Variants in TYRP1 observed in about 807,000 individuals in gnomAD.
The protein encoded by TYRP1 is tyrosinase related protein 1.
Under a neutral mutation model 42.8 loss-of-function variants are expected in TYRP1, and 49 were observed. The ratio of observed to expected loss-of-function variants is 1.14; its 90% confidence interval spans 0.91 to 1.45. The LOEUF (loss-of-function observed/expected upper bound fraction) is 1.45, where lower values mean the gene tolerates loss of function less well. TYRP1 is among the 40% of genes most tolerant of loss of function. The probability of loss-of-function intolerance (pLI) is 0.00; values close to 1 mark genes in which losing one functional copy is unlikely to be tolerated. For missense variants in TYRP1, 848 were observed against 662.0 expected, an observed-to-expected ratio of 1.28 and a Z score of -3.08; for synonymous variants, 279 against 235.4, an observed-to-expected ratio of 1.19 and a Z score of -1.69.
intron 6 of TYRP1, among the ~76,000 whole-genome samples, chr9:12,706,674 C>T (rs972622028): frequency 8.6e-5 from 13 of 151,996 alleles, no homozygotes; most frequent in African/African-American, 3.1e-4. Flanking sequence ...TAAGCTGAAA[C>T]AATTAGCCTC....
Position 12,709,116 on chromosome 9 carries a change from T to G in TYRP1, c.1548T>G (p.Thr516=). Residue 516 remains threonine, a synonymous_variant, in exon 8 of 8, where the codon ACT becomes ACG. Coordinates refer to ENST00000388918, the MANE Select transcript of TYRP1 (RefSeq NM_000550.3). ...ATGAAGCTAACCAGCCTCTCCTCAC[T>G]GATCAGTATCAATGCTATGCTGAAG... ...SMDEANQPLL[T]DQYQCYAEEY... 1 of 1,612,758 alleles carries G rather than the reference T, an allele frequency of 6.2e-7. No individual in the cohort carries two copies. The highest frequency in any genetic ancestry group is 2.2e-5 in the East Asian group (1 of 44,826).
Position 12,703,850 on chromosome 9 carries a change from G to C in TYRP1, c.1082-676G>C, listed in dbSNP as rs10809827. On this transcript the variant is annotated intron_variant, in intron 5 of 7. Transcript: ENST00000388918. ...TATGACCTGTCTTATACCAATCCTT[G>C]TTTTCTCCCTTATATATGGAATATA... Among the ~76,000 whole-genome samples, 3,172 of 147,006 alleles carry C rather than the reference G, an allele frequency of 0.022. 277 individuals carry two copies. The East Asian group carries it at 0.23, about 11-fold the overall frequency.
At chr9:12,693,876 A>T in intron 1 of TYRP1, 36 bp from the exon 2 acceptor site, 1 of 1,420,908 alleles carries the variant, frequency 7.0e-7, no homozygotes, top group East Asian at 2.3e-5. Flanking sequence ...TACCAAGAAA[A>T]ACTTGCATAA....
Position 12,709,084 on chromosome 9 carries a change from A to G in TYRP1, c.1516A>G (p.Ser506Gly), listed in dbSNP as rs140233627. ...TASYLIRARR[S>G]MDEANQPLLT... The stretch of plus-strand genomic sequence containing the variant: ...TTCTTATCTGATTCGTGCCAGACGC[A>G]GTATGGATGAAGCTAACCAGCCTCT... Residue 506 changes from serine to glycine, a missense_variant, in exon 8 of 8, where the codon AGT becomes GGT. Ser to Gly is a moderately conservative substitution (Grantham distance 56). Transcript: ENST00000388918. The G allele has an allele frequency of 6.2e-7, 1 of 1,612,740 alleles. No individual in the cohort carries two copies. The highest frequency in any genetic ancestry group is 8.5e-7 in the Non-Finnish European group (1 of 1,179,254).
At chr9:12,697,783 A>G (rs546839385) in intron 3 of TYRP1, among the ~76,000 whole-genome samples, 6 of 152,310 alleles carry the variant, frequency 3.9e-5, no homozygotes, top group Non-Finnish European at 5.9e-5. Context: ...CTAAAAAACA[A>G]TGGGCAGAAA....
intron 5 of TYRP1, 106 bp from the exon 6 acceptor site, chr9:12,704,420 C>A: frequency 7.6e-7 from 1 of 1,314,228 alleles, no homozygotes; most frequent in Admixed American, 1.9e-5. Flanking sequence ...AAAAATTGGC[C>A]TGACGAGCCT....
In TYRP1 at chr9:12,702,372, G is replaced by T. The variant is rs1381017820; in HGVS notation, c.1015G>T (p.Val339Phe). 1.2e-6 allele frequency: 2 copies of T among 1,613,162 alleles called. No individual in the cohort carries two copies. The highest frequency in any genetic ancestry group is 1.1e-5 in the South Asian group (1 of 91,060). Reference protein sequence around the residue: ...EPQDVAQCLEVGLFDTPPFYS... With the variant: ...EPQDVAQCLEFGLFDTPPFYS... ...ACAGGATGTCGCTCAGTGCTTGGAAGTTGGTTTATTTGACACGCCTCCTTT... is the reference window on the plus strand; with the variant it reads ...ACAGGATGTCGCTCAGTGCTTGGAATTTGGTTTATTTGACACGCCTCCTTT... The change falls in exon 5 of 8, where the codon GTT (valine) becomes TTT (phenylalanine). Residue 339 changes from valine (V) to phenylalanine (F), a missense_variant. Physicochemically the swap from Val to Phe is conservative, Grantham distance 50. Coordinates refer to ENST00000388918, the MANE Select transcript of TYRP1 (RefSeq NM_000550.3).
rs1818291792 is a variant in TYRP1 at position 12,708,175 on chromosome 9, A to C, written c.1408+32A>C. ...GTTGAAAGTGTATTTTTACTGTGATAATTTCCAAAAGCAAATGTGTTATCT... is the reference window on the plus strand; with the variant it reads ...GTTGAAAGTGTATTTTTACTGTGATCATTTCCAAAAGCAAATGTGTTATCT... On this transcript the variant is annotated intron_variant, in intron 7 of 7. Coordinates refer to ENST00000388918, the MANE Select transcript of TYRP1 (RefSeq NM_000550.3). 2.5e-6 allele frequency: 4 copies of C among 1,611,142 alleles called. No homozygotes were observed. The African/African-American group carries it at 5.3e-5, about 22-fold the overall frequency.
intron 5 of TYRP1, among the ~76,000 whole-genome samples, chr9:12,703,442 G>T (rs1818206134): frequency 6.6e-6 from 1 of 151,542 alleles, no homozygotes; most frequent in Non-Finnish European, 1.5e-5. Flanking sequence ...CTATATTTTG[G>T]CTAATCTGTA....
intron 6 of TYRP1, among the ~76,000 whole-genome samples, chr9:12,707,272 T>A (rs530956341): frequency 6.6e-6 from 1 of 152,132 alleles, no homozygotes; most frequent in East Asian, 1.9e-4. Context: ...ACACGTACAC[T>A]TAAGTCTTTT....
chr9:12,695,688 T>C lies in TYRP1; in HGVS notation c.559T>C (p.Tyr187His), dbSNP rs1007656814. 2.5e-6 allele frequency: 4 copies of C among 1,614,226 alleles called. No individual in the cohort carries two copies. Among genetic ancestry groups the C allele is most frequent in the East Asian group, 2.2e-5 (1 of 44,882 alleles). The change falls in exon 3 of 8, where the codon TAC becomes CAC. Residue 187 changes from tyrosine (Y) to histidine (H), a missense_variant. Tyr to His is a moderately conservative substitution (Grantham distance 83). Transcript: ENST00000388918. ...PQFENISIYNYFVWTHYYSVK... is the reference protein window; with the variant it reads ...PQFENISIYNHFVWTHYYSVK... ...ATTTGAGAACATTTCCATTTATAACTACTTTGTTTGGACACACTATTACTC... is the reference window on the plus strand; with the variant it reads ...ATTTGAGAACATTTCCATTTATAACCACTTTGTTTGGACACACTATTACTC...
Position 12,709,220 on chromosome 9 carries a change from C to G in TYRP1, c.*38C>G. 3.2e-6 allele frequency: 5 copies of G among 1,571,684 alleles called. No homozygotes were observed. In the Middle Eastern group the frequency reaches 5.0e-4, roughly 158 times the overall value. On this transcript the variant is annotated 3_prime_UTR_variant, in exon 8 of 8. Coordinates refer to ENST00000388918, the MANE Select transcript of TYRP1 (RefSeq NM_000550.3). ...TCTCTTATGCATTAGTATCACAAAACCACCTGGTTGAATATAATAGATTGA... is the reference window on the plus strand; with the variant it reads ...TCTCTTATGCATTAGTATCACAAAAGCACCTGGTTGAATATAATAGATTGA...
At chr9:12,695,446 G>T in intron 2 of TYRP1, 69 bp from the exon 3 acceptor site, 1 of 1,416,568 alleles carries the variant, frequency 7.1e-7, no homozygotes, top group Non-Finnish European at 1.0e-6. Context: ...GTTACAAGAT[G>T]ATTATGCTCT....
Position 12,704,536 on chromosome 9 carries a change from C to A in TYRP1, c.1092C>A (p.Asp364Glu). Residue 364 changes from aspartate to glutamate, a missense_variant, in exon 6 of 8, where the codon GAC becomes GAA. By Grantham distance (45) the Asp-to-Glu change is conservative. Transcript: ENST00000388918. Reference sequence around the variant, plus strand: ...TTACCATGTGTCTAGGTTACAGTGACCCCACGGGAAAGTATGACCCTGCTG... The same window carrying A: ...TTACCATGTGTCTAGGTTACAGTGAACCCACGGGAAAGTATGACCCTGCTG... ...SFRNTVEGYSDPTGKYDPAVR... is the reference protein window; with the variant it reads ...SFRNTVEGYSEPTGKYDPAVR... 6.2e-7 allele frequency: 1 copy of A among 1,612,196 alleles called. No homozygotes were observed. The highest frequency in any genetic ancestry group is 2.2e-5 in the East Asian group (1 of 44,828).
rs753192557 is a variant in TYRP1 at position 12,708,049 on chromosome 9, C to A, written c.1314C>A (p.Tyr438Ter). The stretch of plus-strand genomic sequence containing the variant: ...CCCCTATTGGACATAATAGACAATA[C>A]AACATGGTGCCATTCTGGCCCCCAG... ...ENAPIGHNRQYNMVPFWPPVT... is the reference protein window; with the variant it reads ...ENAPIGHNRQ The change falls in exon 7 of 8, where the codon TAC becomes TAA. Residue 438 changes from tyrosine (Y) to a stop codon, truncating the protein, a stop_gained. Transcript: ENST00000388918. LOFTEE classifies it high-confidence loss of function. The A allele has an allele frequency of 6.8e-6, 11 of 1,612,474 alleles. No individual in the cohort carries two copies. Among genetic ancestry groups the A allele is most frequent in the South Asian group, 1.1e-5 (1 of 91,044 alleles).
At position 12,698,611 on chromosome 9, in the gene TYRP1, G is replaced by T. The variant is rs1464392642; in HGVS notation, c.869G>T (p.Cys290Phe). The change falls in exon 4 of 8, where the codon TGT (cysteine) becomes TTT (phenylalanine). Residue 290 changes from cysteine to phenylalanine, a missense_variant. By Grantham distance (205) the Cys-to-Phe change is radical. Coordinates refer to ENST00000388918, the MANE Select transcript of TYRP1 (RefSeq NM_000550.3). ...NSVFSQWRVV[C>F]DSLEDYDTLG... is the part of the protein sequence containing the mutation. ...GTCTTTTCTCAATGGCGAGTGGTCTGTGACTCCTTGGAAGATTATGATACC... is the reference window on the plus strand; with the variant it reads ...GTCTTTTCTCAATGGCGAGTGGTCTTTGACTCCTTGGAAGATTATGATACC... The T allele has an allele frequency of 6.8e-6, 11 of 1,613,694 alleles. No individual in the cohort carries two copies. The Admixed American group carries it at 1.8e-4, about 27-fold the overall frequency.
chr9:12,704,163 A>G (rs528390409), intron 5 of TYRP1, among the ~76,000 whole-genome samples: 8 of 151,986 alleles, frequency 5.3e-5, no homozygotes, highest in African/African-American at 1.2e-4. Flanking sequence ...TCTTCTCCCA[A>G]TTGTGTCAGC....
chr9:12,709,308 T>C lies in TYRP1; in HGVS notation c.*126T>C, dbSNP rs1818317707. On this transcript the variant is annotated 3_prime_UTR_variant, in exon 8 of 8. Coordinates refer to ENST00000388918, the MANE Select transcript of TYRP1 (RefSeq NM_000550.3). ...TTCTAATACAAGCATATGTTAGCAT[T>C]AAAGTTCTAGGCATACTTTTCAAAG... 2.0e-6 allele frequency: 2 copies of C among 985,276 alleles called. No individual in the cohort carries two copies. Among genetic ancestry groups the C allele is most frequent in the Admixed American group, 3.8e-5 (2 of 52,144 alleles). 61.0% of individuals were successfully genotyped at this position (985,276 alleles called of 1,614,324 possible).
At chr9:12,693,604 G>C (rs571080720) in intron 1 of TYRP1, 126 bp downstream of exon 1, 1 of 187,980 alleles carries the variant, frequency 5.3e-6, no homozygotes, top group East Asian at 1.4e-4. Flanking sequence ...CAGCTCCAAG[G>C]TTAAATTAAA....
Sources: gnomAD v4.1 joint callset for allele counts (sites outside exome capture counted in the v4.1 genomes callset) on GRCh38, gnomAD v4.1.1 for gene constraint, MANE v1.5 for transcripts, NCBI Gene and HGNC (gene_info 2026-07-23, HGNC 2026-07-21) for gene names.